SEPTIN9: variants seen among roughly 807,000 people sequenced by gnomAD.
SEPTIN9 encodes septin 9.
Under a neutral mutation model 56.6 loss-of-function variants are expected in SEPTIN9, and 13 were observed. That is an observed-to-expected ratio of 0.23 (90% CI 0.15 to 0.37). The LOEUF (loss-of-function observed/expected upper bound fraction) is 0.37. SEPTIN9 is among the 10% of genes least tolerant of loss of function. SEPTIN9 has a pLI of 1.00. For synonymous variants in SEPTIN9, 332 were observed against 334.1 expected, an observed-to-expected ratio of 0.99 and a Z score of 0.07; for missense variants, 650 against 823.1, an observed-to-expected ratio of 0.79 and a Z score of 2.57.
At chr17:77,287,854 T>C in intron 1 of SEPTIN9, 1 of 1,019,758 alleles carries the variant, frequency 9.8e-7, no homozygotes, top group South Asian at 4.6e-5. Flanking sequence ...GAAACAGGAG[T>C]GGCGCAGGGA....
At chr17:77,467,113 G>A (rs1315764138) in intron 3 of SEPTIN9, among the ~76,000 whole-genome samples, 1 of 152,228 alleles carries the variant, frequency 6.6e-6, no homozygotes, top group African/African-American at 2.4e-5. Context: ...GGCTTTTCAT[G>A]CAGGACGGCA....
chr17:77,418,957 G>C (rs2036599343), intron 3 of SEPTIN9, among the ~76,000 whole-genome samples: 1 of 152,124 alleles, frequency 6.6e-6, no homozygotes, highest in Non-Finnish European at 1.5e-5. Context: ...GGTCCCTGCG[G>C]GACAGATTTC....
At position 77,492,769 on chromosome 17, in the gene SEPTIN9, AG is replaced by A; in HGVS notation, c.1476+56del. ...CCAGGGGACCCCCAGTTCCTGCTGA[AG>A]GGTGGGTTGGGGGTTTGGAGGACCT... On this transcript the variant is annotated intron_variant, in intron 9 of 11. Coordinates refer to ENST00000427177, the MANE Select transcript of SEPTIN9 (RefSeq NM_001113491.2). This position sits in a 1 kb window ranked among gnomAD's most constrained non-coding sequence, Gnocchi z 5.4. 2 of 1,532,530 alleles carry A rather than the reference AG, an allele frequency of 1.3e-6. No homozygotes were observed. Among genetic ancestry groups the A allele is most frequent in the Non-Finnish European group, 9.0e-7 (1 of 1,105,860 alleles). 94.9% of individuals were successfully genotyped at this position (1,532,530 alleles called of 1,614,324 possible).
rs2035458681 is a variant in SEPTIN9 at position 77,389,545 on chromosome 17, C to G, written c.77-12514C>G. 6.6e-6 allele frequency among the ~76,000 whole-genome samples: 1 copy of G among 152,170 alleles called. No individual in the cohort carries two copies. Among genetic ancestry groups the G allele is most frequent in the African/African-American group, 2.4e-5 (1 of 41,428 alleles). ...GTCAATCACCTCCCAGGGCCTCGCT[C>G]CTGCCTTCAGCGACAGCCATTTATC... On this transcript the variant is annotated intron_variant, in intron 2 of 11. Transcript: ENST00000427177. This position sits in a 1 kb window ranked among gnomAD's most constrained non-coding sequence, Gnocchi z 4.3.
intron 2 of SEPTIN9, among the ~76,000 whole-genome samples, chr17:77,370,817 C>T (rs919169774): frequency 1.3e-5 from 2 of 152,138 alleles, no homozygotes; most frequent in Non-Finnish European, 2.9e-5. Flanking sequence ...AGCAATGAGG[C>T]CTCATTAAAA....
intron 3 of SEPTIN9, among the ~76,000 whole-genome samples, chr17:77,463,216 T>A (rs1448304857): frequency 6.6e-6 from 1 of 152,178 alleles, no homozygotes; most frequent in Non-Finnish European, 1.5e-5. Context: ...CTTAAATTCC[T>A]TCAGCTGAAA....
chr17:77,404,236 CT>C (rs1308124799), intron 3 of SEPTIN9, among the ~76,000 whole-genome samples: 5 of 152,098 alleles, frequency 3.3e-5, no homozygotes, highest in Admixed American at 6.6e-5. Flanking sequence ...CTCTTTCCAT[CT>C]TCTTTGACTT....
intron 5 of SEPTIN9, 83 bp from the exon 6 acceptor site, chr17:77,488,157 G>T (rs2039874409): frequency 1.5e-6 from 2 of 1,301,718 alleles, no homozygotes; most frequent in Non-Finnish European, 2.2e-6. Context: ...CCTACCTGGG[G>T]TTGCCCCGGG....
intron 3 of SEPTIN9, among the ~76,000 whole-genome samples, chr17:77,415,138 T>C (rs2036452465): frequency 6.6e-6 from 1 of 151,444 alleles, no homozygotes; most frequent in Admixed American, 6.6e-5. Flanking sequence ...ACCCACTAGA[T>C]CGTTTTCTTG....
chr17:77,284,565 G>A (rs1253472587), intron 1 of SEPTIN9, among the ~76,000 whole-genome samples: 1 of 152,166 alleles, frequency 6.6e-6, no homozygotes, highest in African/African-American at 2.4e-5. Flanking sequence ...GTGGCACAAG[G>A]TTCTCACCTC....
intron 3 of SEPTIN9, among the ~76,000 whole-genome samples, chr17:77,455,632 G>C (rs564114150): frequency 6.6e-6 from 1 of 152,310 alleles, no homozygotes; most frequent in East Asian, 1.9e-4. Context: ...GAACCTGCAC[G>C]CCCCCTCCAA....
intron 3 of SEPTIN9, among the ~76,000 whole-genome samples, chr17:77,439,792 G>C (rs764028706): frequency 6.6e-6 from 1 of 152,186 alleles, no homozygotes; most frequent in African/African-American, 2.4e-5. Context: ...CTGGGCCTTC[G>C]CCTCTGCAGG....
intron 2 of SEPTIN9, chr17:77,375,979 A>T (rs930839228): frequency 9.6e-6 from 4 of 414,706 alleles, no homozygotes; most frequent in Non-Finnish European, 1.3e-5. Flanking sequence ...GGATGATTGA[A>T]GGAGGTGGAG....
intron 1 of SEPTIN9, among the ~76,000 whole-genome samples, chr17:77,294,100 T>G (rs1221297566): frequency 9.1e-6 from 1 of 109,610 alleles, no homozygotes; most frequent in Non-Finnish European, 1.9e-5. Context: ...TGAGACCATG[T>G]CTCAAAAAAA....
chr17:77,436,038 TATG>T lies in SEPTIN9; in HGVS notation c.721+33336_721+33338del, dbSNP rs1406471335. On this transcript the variant is annotated intron_variant, in intron 3 of 11. Coordinates refer to ENST00000427177, the MANE Select transcript of SEPTIN9 (RefSeq NM_001113491.2). This position sits in a 1 kb window ranked among gnomAD's most constrained non-coding sequence, Gnocchi z 4.4. ...TTGGCCTCAGCCTCGTGTGTGTGTT[TATG>T]CATGGGTACTTTGCCATCCACACTG... Among the ~76,000 whole-genome samples, 1 of 152,178 alleles carries T rather than the reference TATG, an allele frequency of 6.6e-6. No homozygotes were observed. The highest frequency in any genetic ancestry group is 2.4e-5 in the African/African-American group (1 of 41,464).
chr17:77,458,068 A>G (rs1462429499), intron 3 of SEPTIN9, among the ~76,000 whole-genome samples: 1 of 151,952 alleles, frequency 6.6e-6, no homozygotes, highest in Non-Finnish European at 1.5e-5. Context: ...GCTGCAGGAC[A>G]GTCCCCAGCG....
intron 3 of SEPTIN9, among the ~76,000 whole-genome samples, chr17:77,448,081 T>C (rs2037811550): frequency 6.6e-6 from 1 of 152,366 alleles, no homozygotes; most frequent in Middle Eastern, 3.4e-3. Flanking sequence ...AAATGTGGCT[T>C]GTAGACATGG....
rs558437794 is a variant in SEPTIN9 at position 77,362,197 on chromosome 17, A to G, written c.77-39862A>G. Among the ~76,000 whole-genome samples, 537 of 152,260 alleles carry G rather than the reference A, an allele frequency of 3.5e-3. 1 individual carries two copies. The highest frequency in any genetic ancestry group is 6.8e-3 in the Middle Eastern group (2 of 294). On this transcript the variant is annotated intron_variant, in intron 2 of 11. Transcript: ENST00000427177. ...GTGGGGTGGCCTTCACCAATCAGGCAGATTCCCTGCCCTGCCCTGCCCTTT... is the reference window on the plus strand; with the variant it reads ...GTGGGGTGGCCTTCACCAATCAGGCGGATTCCCTGCCCTGCCCTGCCCTTT...
chr17:77,303,212 T>A (rs994412033), intron 1 of SEPTIN9, among the ~76,000 whole-genome samples: 4 of 151,846 alleles, frequency 2.6e-5, no homozygotes, highest in African/African-American at 4.8e-5. Context: ...GCGATTCTCC[T>A]GCCTTGGCCT....
Sources: gnomAD v4.1 joint callset for allele counts (sites outside exome capture counted in the v4.1 genomes callset) on GRCh38, gnomAD v4.1.1 for gene constraint, Gnocchi (gnomAD v3.1) non-coding constraint, MANE v1.5 for transcripts, NCBI Gene and HGNC (gene_info 2026-07-23, HGNC 2026-07-21) for gene names.